The following DGKK variants were observed in gnomAD, a reference collection of about 807,000 sequenced individuals.
The protein encoded by DGKK is 142 kDa diacylglycerol kinase.
Under a neutral mutation model 92.2 loss-of-function variants are expected in DGKK, and 35 were observed. The observed-to-expected ratio is 0.38, with a 90% CI of 0.29 to 0.50. The LOEUF is 0.50. Ranked by LOEUF, DGKK falls within the 20% of genes least tolerant of loss-of-function variation. The pLI is 0.92. For synonymous variants in DGKK, 368 were observed against 360.6 expected (o/e 1.02, Z -0.23); for missense variants, 910 against 992.2 (o/e 0.92, Z 1.11).
At position 50,386,496 on chromosome X, in the gene DGKK, A is replaced by G; in HGVS notation, c.2209T>C (p.Tyr737His). Residue 737 changes from tyrosine to histidine, a missense_variant, in exon 15 of 28, where the codon TAT becomes CAT. Transcript: ENST00000611977. The stretch of plus-strand genomic sequence containing the variant: ...CTATCTGCCTTGCTGCTGTCTGCAT[A>G]TTCTGTAGCACTTTTTTCAGCAGAA... ...ATSAEKSATEYADSSKADRKP... is the reference protein window; with the variant it reads ...ATSAEKSATEHADSSKADRKP... 8.3e-7 allele frequency: 1 copy of G among 1,211,004 alleles called. No individual in the cohort carries two copies. Among genetic ancestry groups the G allele is most frequent in the Non-Finnish European group, 1.1e-6 (1 of 895,142 alleles).
intron 1 of DGKK, among the ~76,000 whole-genome samples, chrX:50,448,340 T>A (rs1926417446): frequency 9.0e-6 from 1 of 110,914 alleles, no homozygotes; most frequent in African/African-American, 3.3e-5. Context: ...TATTCATTCA[T>A]TTTTTGTGAT....
chrX:50,391,407 G>T lies in DGKK; in HGVS notation c.1844+30C>A, dbSNP rs781932602. On this transcript the variant is annotated intron_variant, in intron 11 of 27. Transcript: ENST00000611977. ...TGTGAGTGATGTGGGACAGGAAGAG[G>T]CACAAGGGCCTGGTCTTTCAGCCAC... 1.0e-4 allele frequency: 121 copies of T among 1,203,775 alleles called. 1 individual carries two copies. In the South Asian group the frequency reaches 1.4e-3, roughly 14 times the overall value.
chrX:50,429,476 G>A (rs897400615), intron 1 of DGKK, among the ~76,000 whole-genome samples: 2 of 111,793 alleles, frequency 1.8e-5, no homozygotes, highest in Non-Finnish European at 3.8e-5. Context: ...ACGAGGTCAG[G>A]AGATCGAGAC....
At chrX:50,422,597 AACACAC>A (rs59226442) in intron 2 of DGKK, 71 bp from the exon 3 acceptor site, 3,546 of 349,984 alleles carry the variant, frequency 0.01, 103 homozygotes, top group African/African-American at 0.096. Flanking sequence ...TTAAAAGGTA[AACACAC>A]ACACACACAC....
chrX:50,382,323 C>A (rs917964719), intron 18 of DGKK, among the ~76,000 whole-genome samples, 173 bp downstream of exon 18: 2 of 112,179 alleles, frequency 1.8e-5, no homozygotes, highest in Admixed American at 9.4e-5. Context: ...CCAGTGCAGT[C>A]ATCCAAAATT....
chrX:50,378,936 C>A (rs782753303), intron 20 of DGKK, among the ~76,000 whole-genome samples: 66 of 112,179 alleles, frequency 5.9e-4, no homozygotes, highest in African/African-American at 2.0e-3. Context: ...GTCTTATTGG[C>A]CTTATGACCT....
At chrX:50,423,690 C>T (rs1334457293) in intron 2 of DGKK, among the ~76,000 whole-genome samples, 3 of 111,700 alleles carry the variant, frequency 2.7e-5, no homozygotes, top group South Asian at 3.7e-4. Flanking sequence ...CAAAATACTA[C>T]GCTTGTATGA....
At chrX:50,456,642 T>C (rs1926618529) in intron 1 of DGKK, among the ~76,000 whole-genome samples, 1 of 111,873 alleles carries the variant, frequency 8.9e-6, no homozygotes, top group South Asian at 3.8e-4. Context: ...TTGGATTTTT[T>C]TAAGAACTGG....
Position 50,422,550 on chromosome X carries a change from G to C in DGKK, c.757-24C>G, listed in dbSNP as rs368052030. On this transcript the variant is annotated intron_variant, in intron 2 of 27. Coordinates refer to ENST00000611977, the MANE Select transcript of DGKK (RefSeq NM_001013742.4). ...AACTGGAAAGATATAAGACAGAGAG[G>C]GACAAGGAACCGTCTGGTTAATGAT... 5.0e-5 allele frequency: 55 copies of C among 1,095,436 alleles called. No homozygotes were observed. The African/African-American group carries it at 8.2e-4, about 16-fold the overall frequency. The allele number at this position is 1,095,436 out of a possible 1,213,427, so 90.3% of individuals were successfully genotyped here.
chrX:50,418,265 T>C (rs1925486082), intron 4 of DGKK, among the ~76,000 whole-genome samples: 1 of 112,053 alleles, frequency 8.9e-6, no homozygotes, highest in African/African-American at 3.3e-5. Flanking sequence ...TTATCTTGGG[T>C]ACTGTCATTT....
intron 18 of DGKK, among the ~76,000 whole-genome samples, chrX:50,381,287 G>A (rs932108923): frequency 1.8e-5 from 2 of 110,970 alleles, no homozygotes; most frequent in African/African-American, 6.6e-5. Flanking sequence ...GGGCAAAATG[G>A]TGAAACTCCG....
In DGKK at chrX:50,376,886, G is replaced by A. The variant is rs1557223916; in HGVS notation, c.3144C>T (p.Tyr1048=). The change falls in exon 23 of 28, where the codon TAC becomes TAT. Residue 1048 remains tyrosine (Y), a synonymous_variant. Transcript: ENST00000611977. ...GGGCAGCTTGAATTTCAGTATGCTT[G>A]TATTCCCACATTTTCATTGAGTTCT... ...DFENSMKMWE[Y]KHTEIQAAPQ... The A allele has an allele frequency of 8.3e-7, 1 of 1,204,425 alleles. No homozygotes were observed. Among genetic ancestry groups the A allele is most frequent in the Non-Finnish European group, 1.1e-6 (1 of 891,963 alleles).
intron 1 of DGKK, 31 bp downstream of exon 1, chrX:50,470,003 T>C (rs1927013354): frequency 8.6e-7 from 1 of 1,161,117 alleles, no homozygotes; most frequent in Non-Finnish European, 1.2e-6. Flanking sequence ...GCCTTGCTTC[T>C]TTTCCCCGCT....
At chrX:50,390,092 T>A (rs1358973824) in intron 12 of DGKK, among the ~76,000 whole-genome samples, 2 of 112,385 alleles carry the variant, frequency 1.8e-5, no homozygotes, top group African/African-American at 6.5e-5. Flanking sequence ...TAGAATAATA[T>A]CTCACATAAA....
chrX:50,369,325 C>A (rs1314305789), intron 27 of DGKK, among the ~76,000 whole-genome samples: 9 of 111,311 alleles, frequency 8.1e-5, no homozygotes, highest in Non-Finnish European at 1.5e-4. Context: ...ACCAGTTCGA[C>A]CATACCTGAG....
intron 4 of DGKK, 24 bp downstream of exon 4, chrX:50,420,379 T>G: frequency 6.8e-6 from 8 of 1,171,735 alleles, no homozygotes; most frequent in Non-Finnish European, 9.3e-6. Context: ...AAGAATTGTG[T>G]GGCTTCTCTA....
intron 4 of DGKK, among the ~76,000 whole-genome samples, chrX:50,408,536 G>C (rs1362232334): frequency 5.5e-5 from 6 of 109,924 alleles, no homozygotes; most frequent in African/African-American, 2.0e-4. Flanking sequence ...CCGCCACCAC[G>C]CCCGGCTAAT....
rs782100867 is a variant in DGKK at position 50,390,378 on chromosome X, G to T, written c.1876C>A (p.Gln626Lys). Residue 626 changes from glutamine (Q) to lysine (K), a missense_variant, in exon 12 of 28, where the codon CAA becomes AAA. Coordinates refer to ENST00000611977, the MANE Select transcript of DGKK (RefSeq NM_001013742.4). The stretch of plus-strand genomic sequence containing the variant: ...ACCTGTCCTTTTAGCAGCGGGGTTT[G>T]TCTGGGAGTCTCACGAATCATCACA... The part of the protein sequence containing the change: ...WSVMIRETPR[Q>K]TPLLKGQVEM... The T allele has an allele frequency of 1.7e-6, 2 of 1,211,130 alleles. No homozygotes were observed. The highest frequency in any genetic ancestry group is 2.2e-6 in the Non-Finnish European group (2 of 894,804).
chrX:50,430,698 T>A (rs1458309162), intron 1 of DGKK, among the ~76,000 whole-genome samples: 1 of 111,839 alleles, frequency 8.9e-6, no homozygotes, highest in Non-Finnish European at 1.9e-5. Context: ...TCATTCTGAA[T>A]CCTCTTTGAT....
Sources: allele counts gnomAD v4.1 joint callset (sites outside exome capture counted in the v4.1 genomes callset), GRCh38; gene constraint gnomAD v4.1.1; transcripts MANE v1.5; gene names NCBI Gene and HGNC (gene_info 2026-07-23, HGNC 2026-07-21).